EPHA3: variants seen among roughly 807,000 people sequenced by gnomAD.
EPHA3 encodes EPH receptor A3, also known as ephrin type-A receptor 3.
EPHA3 carries 42 observed loss-of-function variants against 107.1 expected under a neutral mutation model. The observed-to-expected ratio is 0.39, with a 90% CI of 0.31 to 0.51. The LOEUF (loss-of-function observed/expected upper bound fraction) is 0.51. Among genes scored for constraint, EPHA3 ranks in the 20% least tolerant of loss-of-function variants. The pLI, the probability that EPHA3 is intolerant of heterozygous loss-of-function variation, is 0.78. For synonymous variants in EPHA3, 461 were observed against 424.8 expected (o/e 1.09, Z -1.05); for missense variants, 1,183 against 1,211.2 (o/e 0.98, Z 0.35).
chr3:89,345,738 G>C (rs1576324642), intron 5 of EPHA3, among the ~76,000 whole-genome samples: 1 of 144,194 alleles, frequency 6.9e-6, no homozygotes, highest in Non-Finnish European at 1.5e-5. Flanking sequence ...CTAGCATTAG[G>C]TATATCTCCC....
At chr3:89,473,996 A>G (rs973935960) in intron 16 of EPHA3, among the ~76,000 whole-genome samples, 1 of 152,158 alleles carries the variant, frequency 6.6e-6, no homozygotes, top group African/African-American at 2.4e-5. Flanking sequence ...TTTAAGTATT[A>G]TCATCTCCCA....
intron 2 of EPHA3, among the ~76,000 whole-genome samples, chr3:89,202,851 G>A (rs1706005189): frequency 6.6e-6 from 1 of 152,066 alleles, no homozygotes; most frequent in East Asian, 1.9e-4. Flanking sequence ...ACACCTACCT[G>A]TTTTGTCAGG....
At chr3:89,270,303 T>C (rs1179051028) in intron 3 of EPHA3, among the ~76,000 whole-genome samples, 1 of 152,046 alleles carries the variant, frequency 6.6e-6, no homozygotes, top group African/African-American at 2.4e-5. Flanking sequence ...TGTGGAAAAC[T>C]AGGCTATTGG....
At chr3:89,214,175 C>G (rs1257199105) in intron 3 of EPHA3, among the ~76,000 whole-genome samples, 1 of 151,912 alleles carries the variant, frequency 6.6e-6, no homozygotes, top group East Asian at 1.9e-4. Flanking sequence ...GCTCTTGTCA[C>G]TAACAAGTGT....
At chr3:89,144,957 T>C (rs1201765111) in intron 2 of EPHA3, among the ~76,000 whole-genome samples, 1 of 151,778 alleles carries the variant, frequency 6.6e-6, no homozygotes, top group Non-Finnish European at 1.5e-5. Context: ...ATCGTTCTTA[T>C]AGTATCAATA....
At chr3:89,193,113 A>G (rs912321515) in intron 2 of EPHA3, among the ~76,000 whole-genome samples, 21 of 152,114 alleles carry the variant, frequency 1.4e-4, no homozygotes, top group Non-Finnish European at 2.5e-4. Context: ...TTACATAAAT[A>G]TAATATTTGA....
chr3:89,429,547 C>A (rs933927895), intron 12 of EPHA3, among the ~76,000 whole-genome samples: 1 of 152,096 alleles, frequency 6.6e-6, no homozygotes, highest in Non-Finnish European at 1.5e-5. Context: ...TGATATAAGA[C>A]AGCCCATCTA....
chr3:89,448,223 A>C (rs975463870), intron 13 of EPHA3, among the ~76,000 whole-genome samples: 4 of 152,178 alleles, frequency 2.6e-5, no homozygotes, highest in African/African-American at 7.2e-5. Flanking sequence ...CACTGGCTAC[A>C]CACTCAACCT....
chr3:89,333,152 A>G (rs1404502442), intron 3 of EPHA3, among the ~76,000 whole-genome samples: 2 of 152,226 alleles, frequency 1.3e-5, no homozygotes, highest in African/African-American at 4.8e-5. Flanking sequence ...AAGCTCTTCC[A>G]TAATGATTAT....
At chr3:89,180,103 G>A (rs1363619006) in intron 2 of EPHA3, among the ~76,000 whole-genome samples, 3 of 151,504 alleles carry the variant, frequency 2.0e-5, no homozygotes, top group Non-Finnish European at 4.4e-5. Flanking sequence ...ATTTGTTTCC[G>A]TGTTTTTCTA....
intron 3 of EPHA3, among the ~76,000 whole-genome samples, chr3:89,337,411 A>T (rs1420548167): frequency 6.6e-6 from 1 of 152,228 alleles, no homozygotes; most frequent in Non-Finnish European, 1.5e-5. Context: ...TATAAAATAC[A>T]CAGACTGATA....
chr3:89,140,188 A>G (rs568976687), intron 2 of EPHA3, among the ~76,000 whole-genome samples: 2 of 152,012 alleles, frequency 1.3e-5, no homozygotes, highest in Non-Finnish European at 2.9e-5. Flanking sequence ...GAATTCAAAG[A>G]TTAATCTAAA....
intron 2 of EPHA3, among the ~76,000 whole-genome samples, chr3:89,189,064 G>A (rs1390700327): frequency 6.6e-6 from 1 of 152,160 alleles, no homozygotes; most frequent in African/African-American, 2.4e-5. Flanking sequence ...GTAATACCTG[G>A]AGTTAAATGG....
At chr3:89,368,654 C>T (rs1708229137) in intron 5 of EPHA3, among the ~76,000 whole-genome samples, 1 of 150,218 alleles carries the variant, frequency 6.7e-6, no homozygotes, top group African/African-American at 2.4e-5. Context: ...TTTCCCAGCT[C>T]ATGAAGAGAG....
At chr3:89,287,869 T>C (rs1576290744) in intron 3 of EPHA3, among the ~76,000 whole-genome samples, 1 of 152,114 alleles carries the variant, frequency 6.6e-6, no homozygotes, top group Non-Finnish European at 1.5e-5. Context: ...GACATTGACC[T>C]TGTGTTTTCT....
intron 11 of EPHA3, among the ~76,000 whole-genome samples, chr3:89,428,546 C>T (rs542924340): frequency 6.6e-6 from 1 of 151,962 alleles, no homozygotes; most frequent in African/African-American, 2.4e-5. Flanking sequence ...AAGTGTTAAA[C>T]AAATTTTGTA....
intron 3 of EPHA3, among the ~76,000 whole-genome samples, chr3:89,216,079 A>T (rs999120965): frequency 1.3e-5 from 2 of 151,950 alleles, no homozygotes; most frequent in Non-Finnish European, 1.5e-5. Context: ...ATAGTAATTT[A>T]GGTAATATCT....
chr3:89,142,751 A>G (rs535698483), intron 2 of EPHA3, among the ~76,000 whole-genome samples: 41 of 151,462 alleles, frequency 2.7e-4, no homozygotes, highest in Non-Finnish European at 5.2e-4. Context: ...TAAATTGTAC[A>G]TACTTTATTT....
chr3:89,297,233 A>C (rs1192053916), intron 3 of EPHA3, among the ~76,000 whole-genome samples: 2 of 152,178 alleles, frequency 1.3e-5, no homozygotes, highest in Non-Finnish European at 2.9e-5. Context: ...TAAGAGGCCT[A>C]TCTTTTAGCT....
Sources: gnomAD v4.1 joint callset for allele counts (sites outside exome capture counted in the v4.1 genomes callset) on GRCh38, gnomAD v4.1.1 for gene constraint, MANE v1.5 for transcripts, NCBI Gene and HGNC (gene_info 2026-07-23, HGNC 2026-07-21) for gene names.